Variants in SV2C observed in about 807,000 individuals in gnomAD.
The protein encoded by SV2C is solute carrier family 22 member B3.
SV2C carries 49 observed loss-of-function variants against 79.7 expected under a neutral mutation model. That is an observed-to-expected ratio of 0.61 (90% CI 0.49 to 0.78). SV2C has a LOEUF of 0.78. Ranked by LOEUF, SV2C falls within the 30% of genes least tolerant of loss-of-function variation. The pLI is 0.00. For synonymous variants in SV2C, 334 were observed against 333.2 expected, an observed-to-expected ratio of 1.00 and a Z score of -0.03; for missense variants, 833 against 912.9, an observed-to-expected ratio of 0.91 and a Z score of 1.13.
intron 2 of SV2C, among the ~76,000 whole-genome samples, chr5:76,144,885 G>A (rs570804830): frequency 1.3e-5 from 2 of 151,982 alleles, no homozygotes; most frequent in South Asian, 4.2e-4. Context: ...AAAATATTTG[G>A]GAAATTCTGA....
chr5:76,302,930 A>G (rs1748060277), intron 12 of SV2C, among the ~76,000 whole-genome samples: 1 of 152,184 alleles, frequency 6.6e-6, no homozygotes, highest in African/African-American at 2.4e-5. Flanking sequence ...TGGGATATCA[A>G]TTTGCAACTG....
the SV2C span, among the ~76,000 whole-genome samples, chr5:75,945,860 T>G: frequency 6.6e-6 from 1 of 152,016 alleles, no homozygotes; most frequent in African/African-American, 2.4e-5. Flanking sequence ...TGGGGGAAAT[T>G]AGAGTGTATT....
chr5:75,911,246 A>AAT, the SV2C span: 1 of 1,529,100 alleles, frequency 6.5e-7, no homozygotes, highest in African/African-American at 1.4e-5. Context: ...GGCAAGTCCC[A>AAT]GGAGGAAGTT....
chr5:76,170,728 C>A (rs2112268555), intron 2 of SV2C, among the ~76,000 whole-genome samples: 1 of 150,148 alleles, frequency 6.7e-6, no homozygotes, highest in South Asian at 2.1e-4. Flanking sequence ...ATTTTAAAGA[C>A]AAGATCACTG....
the SV2C span, among the ~76,000 whole-genome samples, chr5:75,950,734 T>C: frequency 6.6e-6 from 1 of 152,082 alleles, no homozygotes; most frequent in South Asian, 2.1e-4. Flanking sequence ...ATTTTACTGT[T>C]AAATGTGGCT....
At chr5:76,284,721 T>G (rs1246628834) in intron 4 of SV2C, among the ~76,000 whole-genome samples, 1 of 152,178 alleles carries the variant, frequency 6.6e-6, no homozygotes, top group Non-Finnish European at 1.5e-5. Flanking sequence ...TCTCTTGCCT[T>G]CCTTCCTTTA....
intron 1 of SV2C, among the ~76,000 whole-genome samples, chr5:76,102,394 G>C (rs185056433): frequency 2.4e-4 from 36 of 152,038 alleles, no homozygotes; most frequent in Non-Finnish European, 4.4e-4. Context: ...AGTCATTCCT[G>C]GTCTTCTAAG....
chr5:76,030,636 G>T, the SV2C span, among the ~76,000 whole-genome samples: 3 of 152,046 alleles, frequency 2.0e-5, no homozygotes, highest in African/African-American at 7.2e-5. Context: ...CCATCCATGT[G>T]GTTGGCAGCC....
the SV2C span, among the ~76,000 whole-genome samples, chr5:76,076,860 C>T: frequency 1.3e-5 from 2 of 152,286 alleles, no homozygotes; most frequent in Non-Finnish European, 2.9e-5. Flanking sequence ...AAGTGTAAAC[C>T]TTCAGGTTGC....
chr5:76,209,621 T>C lies in SV2C; in HGVS notation c.762-115T>C, dbSNP rs1252022401. 4 of 967,120 alleles carry C rather than the reference T, an allele frequency of 4.1e-6. No individual in the cohort carries two copies. The Admixed American group carries it at 1.0e-4, about 25-fold the overall frequency. 59.9% of individuals were successfully genotyped at this position (967,120 alleles called of 1,614,324 possible). On this transcript the variant is annotated intron_variant, in intron 3 of 12. Coordinates refer to ENST00000502798, the MANE Select transcript of SV2C (RefSeq NM_014979.4). ...ATAATAGAAAATATATGTTTGTTGA[T>C]ATGCTGGGATAGGGAGAAAGCATGT...
intron 12 of SV2C, among the ~76,000 whole-genome samples, chr5:76,350,391 G>C (rs566534241): frequency 6.6e-6 from 1 of 152,330 alleles, no homozygotes; most frequent in East Asian, 1.9e-4. Context: ...GCCTTCTCCA[G>C]AGCAACTATT....
chr5:76,315,316 T>TCC (rs1748583258), intron 12 of SV2C, among the ~76,000 whole-genome samples: 1 of 151,986 alleles, frequency 6.6e-6, no homozygotes, highest in Non-Finnish European at 1.5e-5. Flanking sequence ...AATTCATTTT[T>TCC]TCTCTCTGAA....
chr5:75,971,438 C>A, the SV2C span, among the ~76,000 whole-genome samples: 4 of 152,138 alleles, frequency 2.6e-5, no homozygotes, highest in East Asian at 7.7e-4. Flanking sequence ...ATCGTCTCAG[C>A]CCAAAATCTC....
intron 1 of SV2C, among the ~76,000 whole-genome samples, chr5:76,124,123 TTTACCAC>T (rs1748623026): frequency 6.6e-6 from 1 of 152,206 alleles, no homozygotes; most frequent in South Asian, 2.1e-4. Context: ...TCACATAAAA[TTTACCAC>T]TTAACCATTT....
At chr5:75,869,596 G>A in the SV2C span, among the ~76,000 whole-genome samples, 1 of 152,200 alleles carries the variant, frequency 6.6e-6, no homozygotes, top group African/African-American at 2.4e-5. Context: ...ACCCTGAAGA[G>A]AAGGACAAAG....
intron 2 of SV2C, among the ~76,000 whole-genome samples, chr5:76,184,518 G>T (rs1041045518): frequency 6.6e-6 from 1 of 152,172 alleles, no homozygotes; most frequent in African/African-American, 2.4e-5. Context: ...AAAGAAAAGA[G>T]GTTTAATTGA....
the SV2C span, among the ~76,000 whole-genome samples, chr5:75,933,347 C>A: frequency 1.1e-4 from 17 of 152,186 alleles, no homozygotes; most frequent in Non-Finnish European, 1.9e-4. Context: ...GGACAGCAAA[C>A]TTCTCAAAGA....
intron 2 of SV2C, among the ~76,000 whole-genome samples, chr5:76,169,732 G>C (rs1044800707): frequency 6.6e-6 from 1 of 152,174 alleles, no homozygotes; most frequent in African/African-American, 2.4e-5. Flanking sequence ...ACCAGTCCTA[G>C]CAACAATAGC....
intron 2 of SV2C, among the ~76,000 whole-genome samples, chr5:76,181,445 T>C (rs1404499413): frequency 6.6e-6 from 1 of 152,240 alleles, no homozygotes; most frequent in Non-Finnish European, 1.5e-5. Context: ...TATAAAGACC[T>C]ACCCGAGACT....
Sources: allele counts gnomAD v4.1 joint callset (sites outside exome capture counted in the v4.1 genomes callset), GRCh38; gene constraint gnomAD v4.1.1; transcripts MANE v1.5; gene names NCBI Gene and HGNC (gene_info 2026-07-23, HGNC 2026-07-21).